The following PTPRA variants were observed in gnomAD, a reference collection of about 807,000 sequenced individuals.
PTPRA encodes the protein protein tyrosine phosphatase receptor type A.
A neutral mutation model predicts 104.8 loss-of-function variants in PTPRA; 25 were observed. That is an observed-to-expected ratio of 0.24 (90% CI 0.17 to 0.33). The LOEUF (loss-of-function observed/expected upper bound fraction) is 0.33. PTPRA is among the 10% of genes least tolerant of loss of function. The pLI, the probability that PTPRA is intolerant of heterozygous loss-of-function variation, is 1.00. For missense variants in PTPRA, 765 were observed against 1,015.3 expected, an observed-to-expected ratio of 0.75 and a Z score of 3.35; for synonymous variants, 323 against 368.9, an observed-to-expected ratio of 0.88 and a Z score of 1.43.
the PTPRA span, chr20:2,864,235 G>T: frequency 3.1e-6 from 5 of 1,614,228 alleles, no homozygotes; most frequent in East Asian, 2.2e-5. The surrounding 1 kb of genome is among the most constrained non-coding windows in gnomAD (Gnocchi z 5.2). Flanking sequence ...TAAAGATGAA[G>T]AGGAGCAAAC....
At chr20:2,977,016 G>T (rs1205536726) in intron 6 of PTPRA, among the ~76,000 whole-genome samples, 1 of 152,146 alleles carries the variant, frequency 6.6e-6, no homozygotes, top group Non-Finnish European at 1.5e-5. Flanking sequence ...AGTGGCTCAC[G>T]CCTGTAATCC....
At chr20:2,864,872 C>T in the PTPRA span, 2 of 1,494,200 alleles carry the variant, frequency 1.3e-6, no homozygotes, top group Admixed American at 3.5e-5. This position sits in a 1 kb window ranked among gnomAD's most constrained non-coding sequence, Gnocchi z 5.2. Flanking sequence ...GCAAGGCTGA[C>T]CCTGGCGACC....
chr20:2,894,966 G>A (rs553105481), intron 1 of PTPRA, among the ~76,000 whole-genome samples: 4 of 144,124 alleles, frequency 2.8e-5, no homozygotes, highest in African/African-American at 1.0e-4. Context: ...CAGCCTGGGC[G>A]ACAGAGCGAG....
At chr20:2,871,167 C>A (rs2089422958), upstream of PTPRA, among the ~76,000 whole-genome samples, 1 of 152,170 alleles carries the variant, frequency 6.6e-6, no homozygotes, top group African/African-American at 2.4e-5. Context: ...GTGCACACCC[C>A]ACAAATGCTT....
chr20:2,911,722 T>C (rs1185813932), intron 1 of PTPRA, among the ~76,000 whole-genome samples: 1 of 152,014 alleles, frequency 6.6e-6, no homozygotes, highest in Non-Finnish European at 1.5e-5. Context: ...ATAGTAAATA[T>C]GAGAGAAAGT....
Position 2,987,934 on chromosome 20 carries a change from G to A in PTPRA, c.528-98G>A, listed in dbSNP as rs376045819. 9.4e-6 allele frequency: 11 copies of A among 1,173,798 alleles called. 1 individual carries two copies. The highest frequency in any genetic ancestry group is 3.0e-5 in the African/African-American group (2 of 66,314). The allele number at this position is 1,173,798 out of a possible 1,614,324, so 72.7% of individuals were successfully genotyped here. A position where few individuals can be genotyped will look rare whatever the true frequency, so the allele number is the denominator to read the frequency against. ...AAAAAGCCCGATTATTTTTAAAGGC[G>A]ATTTAGAAAGGCTGAATTGATGAGC... On this transcript the variant is annotated intron_variant, in intron 7 of 23. Transcript: ENST00000399903.
rs2064943603 is a variant in PTPRA at position 3,022,772 on chromosome 20, A to T, written c.1412A>T (p.Tyr471Phe). ...CATACAGAACGGAAGGTGGACGTGTATGGCTTTGTGAGCCGGATCCGGGCA... is the reference window on the plus strand; with the variant it reads ...CATACAGAACGGAAGGTGGACGTGTTTGGCTTTGTGAGCCGGATCCGGGCA... ...MMHTERKVDV[Y>F]GFVSRIRAQR... Residue 471 changes from tyrosine (Y) to phenylalanine (F), a missense_variant, in exon 16 of 24, where the codon TAT (tyrosine) becomes TTT (phenylalanine). By Grantham distance (22) the Tyr-to-Phe change is conservative. Around this residue, in one of 4 missense-constraint regions of PTPRA, gnomAD observed 245 missense variants for 398.7 expected, o/e 0.61. Transcript: ENST00000399903. This position sits in a 1 kb window ranked among gnomAD's most constrained non-coding sequence, Gnocchi z 4.6. 3 of 1,614,168 alleles carry T rather than the reference A, an allele frequency of 1.9e-6. No individual in the cohort carries two copies. Among genetic ancestry groups the T allele is most frequent in the Non-Finnish European group, 2.5e-6 (3 of 1,180,032 alleles).
chr20:3,016,244 C>G (rs1234303292), intron 12 of PTPRA, among the ~76,000 whole-genome samples: 2 of 152,178 alleles, frequency 1.3e-5, no homozygotes, highest in Non-Finnish European at 2.9e-5. Flanking sequence ...CAGAGAGGAT[C>G]AGCCACCTCA....
At chr20:2,864,601 A>G in the PTPRA span, 3 of 1,614,136 alleles carry the variant, frequency 1.9e-6, no homozygotes, top group Admixed American at 3.3e-5. The surrounding 1 kb of genome is among the most constrained non-coding windows in gnomAD (Gnocchi z 5.2). Flanking sequence ...TCAGGATGAC[A>G]ATCACCAGGA....
chr20:2,975,131 G>T, intron 5 of PTPRA, 84 bp from the exon 6 acceptor site: 1 of 1,214,756 alleles, frequency 8.2e-7, no homozygotes, highest in Non-Finnish European at 1.2e-6. Flanking sequence ...CCTAATCCTG[G>T]AGCTTGTTTT....
intron 5 of PTPRA, among the ~76,000 whole-genome samples, chr20:2,969,694 C>T (rs1292019701): frequency 1.0e-5 from 1 of 99,922 alleles, no homozygotes; most frequent in African/African-American, 4.1e-5. Context: ...AGGCCGGGCG[C>T]GGCGGCTCAT....
chr20:2,912,269 A>G (rs1568650873), intron 1 of PTPRA, among the ~76,000 whole-genome samples: 2 of 149,332 alleles, frequency 1.3e-5, no homozygotes. Flanking sequence ...TTGAAAATAT[A>G]CAGAAGTATA....
chr20:3,027,082 A>G (rs1363618470), intron 18 of PTPRA, 39 bp from the exon 19 acceptor site: 3 of 1,599,614 alleles, frequency 1.9e-6, no homozygotes, highest in Non-Finnish European at 2.6e-6. Flanking sequence ...GAGAGGACAA[A>G]TGATATTGGC....
At chr20:2,874,315 G>T (rs1273925925) in intron 1 of PTPRA, among the ~76,000 whole-genome samples, 5 of 151,588 alleles carry the variant, frequency 3.3e-5, no homozygotes, top group Non-Finnish European at 5.9e-5. Context: ...GAGAACGCAG[G>T]TCCCCTCCCT....
intron 6 of PTPRA, among the ~76,000 whole-genome samples, chr20:2,979,666 A>G (rs1016296653): frequency 2.0e-5 from 3 of 151,948 alleles, no homozygotes; most frequent in Non-Finnish European, 2.9e-5. Flanking sequence ...AGCTGGGACT[A>G]TAGGCATATG....
chr20:3,037,874 G>A lies in PTPRA; in HGVS notation c.2335-185G>A, dbSNP rs1288018696. ...CAGCTCTGCTTGTAGAAGGTCTGCT[G>A]CATTCAGCCCGGAAGGGGAATGCTG... On this transcript the variant is annotated intron_variant, in intron 23 of 23. Transcript: ENST00000399903. The surrounding 1 kb of genome is among the most constrained non-coding windows in gnomAD (Gnocchi z 4.3). 6.6e-6 allele frequency among the ~76,000 whole-genome samples: 1 copy of A among 152,214 alleles called. No homozygotes were observed. The highest frequency in any genetic ancestry group is 1.5e-5 in the Non-Finnish European group (1 of 68,040).
intron 17 of PTPRA, among the ~76,000 whole-genome samples, chr20:3,025,891 T>C (rs530758016): frequency 1.3e-4 from 19 of 151,404 alleles, no homozygotes; most frequent in South Asian, 1.0e-3. Flanking sequence ...AAAAAAGATA[T>C]TAGGTTCTGA....
chr20:3,017,362 G>A (rs973256942), intron 12 of PTPRA, among the ~76,000 whole-genome samples: 2 of 152,052 alleles, frequency 1.3e-5, no homozygotes, highest in Admixed American at 6.6e-5. Flanking sequence ...GTGACTTTCC[G>A]AAAAAGGTTA....
At chr20:2,874,279 T>C (rs1166999225) in intron 1 of PTPRA, among the ~76,000 whole-genome samples, 1 of 152,104 alleles carries the variant, frequency 6.6e-6, no homozygotes, top group Non-Finnish European at 1.5e-5. Flanking sequence ...GGCTGAGAGC[T>C]GCCCAGAATT....
Sources: gnomAD v4.1 joint callset for allele counts (sites outside exome capture counted in the v4.1 genomes callset) on GRCh38, gnomAD v4.1.1 for gene constraint, gnomAD v4.1.1 regional missense constraint, Gnocchi (gnomAD v3.1) non-coding constraint, MANE v1.5 for transcripts, NCBI Gene and HGNC (gene_info 2026-07-23, HGNC 2026-07-21) for gene names.